The following NOL10 variants were observed in gnomAD, a reference collection of about 807,000 sequenced individuals.
NOL10 encodes nucleolar protein 10.
In NOL10, 58 loss-of-function variants were observed where a neutral mutation model predicts 103.5. The ratio of observed to expected loss-of-function variants is 0.56; its 90% CI spans 0.45 to 0.70. NOL10 has a LOEUF of 0.70. Among genes scored for constraint, NOL10 ranks in the 30% least tolerant of loss-of-function variants. NOL10 has a pLI of 0.00. For synonymous variants in NOL10, 287 were observed against 282.5 expected (o/e 1.02, Z -0.16); for missense variants, 763 against 807.3 (o/e 0.95, Z 0.67).
intron 1 of NOL10, among the ~76,000 whole-genome samples, chr2:10,687,403 C>A (rs1019665336): frequency 4.6e-5 from 7 of 152,174 alleles, no homozygotes; most frequent in African/African-American, 1.7e-4. Context: ...TACACATTTC[C>A]CAGTCTCCCC....
chr2:10,592,805 C>T (rs1245817351), intron 17 of NOL10, among the ~76,000 whole-genome samples: 1 of 152,178 alleles, frequency 6.6e-6, no homozygotes, highest in Non-Finnish European at 1.5e-5. Flanking sequence ...AAAACCTCTT[C>T]TGACCCAGCT....
intron 12 of NOL10, among the ~76,000 whole-genome samples, chr2:10,645,598 G>A (rs1179483414): frequency 6.7e-6 from 1 of 149,696 alleles, no homozygotes; most frequent in African/African-American, 2.5e-5. Context: ...CAGTGGCGTG[G>A]TCTCGGCTCA....
chr2:10,615,389 T>C (rs927382329), intron 13 of NOL10, among the ~76,000 whole-genome samples: 3 of 152,186 alleles, frequency 2.0e-5, no homozygotes, highest in Admixed American at 6.5e-5. Flanking sequence ...ATCTCACTAA[T>C]AGCCCATCAA....
At chr2:10,675,684 T>G in intron 4 of NOL10, 110 bp downstream of exon 4, 1 of 622,972 alleles carries the variant, frequency 1.6e-6, no homozygotes, top group South Asian at 2.1e-5. Context: ...GTACAGTAAT[T>G]TGTTATACAG....
intron 17 of NOL10, among the ~76,000 whole-genome samples, chr2:10,593,131 T>TG (rs1675480788): frequency 1.5e-5 from 1 of 64,682 alleles, no homozygotes; most frequent in African/African-American, 5.0e-5. Flanking sequence ...ACAAATTAGT[T>TG]TTTTTTTTTT....
At chr2:10,682,372 A>G (rs181067795) in intron 2 of NOL10, among the ~76,000 whole-genome samples, 1 of 152,176 alleles carries the variant, frequency 6.6e-6, no homozygotes, top group East Asian at 1.9e-4. Context: ...CCAGTGTTAC[A>G]GGAGGAAGAG....
intron 12 of NOL10, among the ~76,000 whole-genome samples, chr2:10,646,588 C>G (rs1483538819): frequency 6.6e-6 from 1 of 152,180 alleles, no homozygotes; most frequent in South Asian, 2.1e-4. Context: ...CAGCTTCTAA[C>G]AGGCAGAAAC....
intron 1 of NOL10, among the ~76,000 whole-genome samples, chr2:10,687,048 G>A (rs562785449): frequency 1.3e-5 from 2 of 152,316 alleles, no homozygotes; most frequent in South Asian, 4.1e-4. Context: ...CACCAGGGGA[G>A]TAAACGTAGA....
At chr2:10,584,643 G>A (rs1023874141) in intron 19 of NOL10, among the ~76,000 whole-genome samples, 2 of 152,186 alleles carry the variant, frequency 1.3e-5, no homozygotes, top group Non-Finnish European at 2.9e-5. Context: ...CTGAAGGATC[G>A]TGGTTTAATG....
At chr2:10,681,740 A>T (rs1681774864) in intron 3 of NOL10, among the ~76,000 whole-genome samples, 1 of 152,258 alleles carries the variant, frequency 6.6e-6, no homozygotes, top group East Asian at 1.9e-4. Context: ...ATGGACTGAT[A>T]CATGAACAAA....
chr2:10,673,730 C>G (rs572827046), intron 4 of NOL10, among the ~76,000 whole-genome samples, 173 bp from the exon 5 acceptor site: 8 of 152,224 alleles, frequency 5.3e-5, no homozygotes, highest in Non-Finnish European at 1.0e-4. Flanking sequence ...AAAACACCAA[C>G]AAAAACTTAA....
At chr2:10,686,556 C>CTG (rs1682225483) in intron 1 of NOL10, among the ~76,000 whole-genome samples, 2 of 152,120 alleles carry the variant, frequency 1.3e-5, no homozygotes, top group African/African-American at 4.8e-5. Flanking sequence ...TTACTGATAA[C>CTG]AGACTGTGGA....
At chr2:10,578,709 G>A (rs1448806578) in intron 19 of NOL10, among the ~76,000 whole-genome samples, 2 of 152,032 alleles carry the variant, frequency 1.3e-5, no homozygotes, top group African/African-American at 2.4e-5. Flanking sequence ...TTGTTAACTT[G>A]GTTTAGAGGG....
At position 10,589,684 on chromosome 2, in the gene NOL10, T is replaced by C; in HGVS notation, c.1490A>G (p.Asp497Gly). 6.3e-7 allele frequency: 1 copy of C among 1,588,092 alleles called. No homozygotes were observed. Among genetic ancestry groups the C allele is most frequent in the Non-Finnish European group, 8.6e-7 (1 of 1,168,492 alleles). Residue 497 changes from aspartate (D) to glycine (G), a missense_variant, in exon 18 of 21, where the codon GAT becomes GGT. By Grantham distance (94) the Asp-to-Gly change is moderately conservative. Transcript: ENST00000381685. ...VMFENPDFQV[D>G]EESEEFRLLN... ...AAGCCTAAATTCTTCACTCTCTTCATCTACTTGGAAGTCAGGGTTCTCAAA... is the reference window on the plus strand; with the variant it reads ...AAGCCTAAATTCTTCACTCTCTTCACCTACTTGGAAGTCAGGGTTCTCAAA...
chr2:10,582,168 T>C (rs1370887925), intron 19 of NOL10, among the ~76,000 whole-genome samples: 2 of 152,218 alleles, frequency 1.3e-5, no homozygotes, highest in African/African-American at 2.4e-5. Context: ...TCAGCTCTTA[T>C]CCACTATCAG....
Position 10,636,431 on chromosome 2 carries a change from A to C in NOL10, c.1026+7889T>G, listed in dbSNP as rs1409586462. 2.7e-5 allele frequency among the ~76,000 whole-genome samples: 4 copies of C among 149,612 alleles called. No individual in the cohort carries two copies. In the East Asian group the frequency reaches 7.8e-4, roughly 29 times the overall value. On this transcript the variant is annotated intron_variant, in intron 13 of 20. Coordinates refer to ENST00000381685, the MANE Select transcript of NOL10 (RefSeq NM_024894.4). ...TCTCTACAAAAAACCAAAAAAAAAA[A>C]AAAAAAAAAAAAAAACACCAAACAA...
At chr2:10,597,968 CA>C (rs1352715479) in intron 17 of NOL10, among the ~76,000 whole-genome samples, 1 of 152,060 alleles carries the variant, frequency 6.6e-6, no homozygotes, top group Non-Finnish European at 1.5e-5. Context: ...GAATATGTAG[CA>C]ACAAAATGAG....
chr2:10,625,333 A>G (rs1677392102), intron 13 of NOL10, among the ~76,000 whole-genome samples: 1 of 152,158 alleles, frequency 6.6e-6, no homozygotes, highest in African/African-American at 2.4e-5. Context: ...ACTCTGTTGT[A>G]AAGTGCTGAT....
Position 10,671,568 on chromosome 2 carries a change from G to C in NOL10, c.450C>G (p.Tyr150Ter), listed in dbSNP as rs1351687752. The C allele has an allele frequency of 6.2e-7, 1 of 1,606,550 alleles. No individual in the cohort carries two copies. The highest frequency in any genetic ancestry group is 2.2e-5 in the East Asian group (1 of 44,726). ...FSYHYPSCDL[Y>*]FVGASSEVYR... ...GGATCCAATACCTTGCACCAACAAA[G>C]TACAAGTCACAGGATGGATAGTGGT... The change falls in exon 6 of 21, where the codon TAC becomes TAG. Residue 150 changes from tyrosine (Y) to a stop codon, truncating the protein, a stop_gained. Transcript: ENST00000381685. LOFTEE classifies it high-confidence loss of function.
Sources: allele counts gnomAD v4.1 joint callset (sites outside exome capture counted in the v4.1 genomes callset), GRCh38; gene constraint gnomAD v4.1.1; transcripts MANE v1.5; gene names NCBI Gene and HGNC (gene_info 2026-07-23, HGNC 2026-07-21).